The following TXNDC16 variants were observed in gnomAD, a reference collection of about 807,000 sequenced individuals.
TXNDC16 encodes the protein thioredoxin domain-containing protein 16.
Under a neutral mutation model 85.6 loss-of-function variants are expected in TXNDC16, and 74 were observed. That is an observed-to-expected ratio of 0.86 (90% confidence interval 0.72 to 1.05). TXNDC16 has a LOEUF of 1.05. TXNDC16 is among the 50% of genes least tolerant of loss of function. The pLI is 0.00. For missense variants in TXNDC16, 959 were observed against 947.0 expected (o/e 1.01, Z -0.17); for synonymous variants, 335 against 326.5 (o/e 1.03, Z -0.28).
chr14:52,548,337 G>A (rs934771267), intron 1 of TXNDC16, among the ~76,000 whole-genome samples: 5 of 152,160 alleles, frequency 3.3e-5, no homozygotes, highest in African/African-American at 9.7e-5. Context: ...GAGCAGGGAG[G>A]AGCAGGTAAT....
chr14:52,469,033 A>G (rs907364458), intron 16 of TXNDC16, among the ~76,000 whole-genome samples: 6 of 152,182 alleles, frequency 3.9e-5, no homozygotes, highest in Non-Finnish European at 8.8e-5. Context: ...AAAAGGAAAC[A>G]GTACAAATAT....
chr14:52,461,414 T>C (rs2035649629), intron 16 of TXNDC16, among the ~76,000 whole-genome samples: 1 of 151,968 alleles, frequency 6.6e-6, no homozygotes, highest in Non-Finnish European at 1.5e-5. Flanking sequence ...AACATATGTT[T>C]GATAATTAAT....
chr14:52,514,524 A>G (rs1053279476), intron 8 of TXNDC16, among the ~76,000 whole-genome samples: 1 of 152,204 alleles, frequency 6.6e-6, no homozygotes, highest in Non-Finnish European at 1.5e-5. Flanking sequence ...GTAACTTACA[A>G]GAGTCTCACA....
At chr14:52,489,564 C>T (rs2036353675) in intron 11 of TXNDC16, among the ~76,000 whole-genome samples, 1 of 152,142 alleles carries the variant, frequency 6.6e-6, no homozygotes, top group Admixed American at 6.5e-5. Flanking sequence ...GAATCAAAAT[C>T]AAACTTAATT....
intron 14 of TXNDC16, among the ~76,000 whole-genome samples, chr14:52,472,138 C>T (rs1306475484): frequency 6.7e-5 from 10 of 150,138 alleles, no homozygotes; most frequent in Admixed American, 6.6e-4. Context: ...TAACTTATCA[C>T]TTTAGATTTA....
At chr14:52,474,623 G>A (rs2035979749) in intron 14 of TXNDC16, among the ~76,000 whole-genome samples, 1 of 152,004 alleles carries the variant, frequency 6.6e-6, no homozygotes, top group South Asian at 2.1e-4. Context: ...CTAGCTACTC[G>A]GGAGGCTGAG....
At chr14:52,528,861 A>C (rs2037401100) in intron 6 of TXNDC16, among the ~76,000 whole-genome samples, 1 of 145,660 alleles carries the variant, frequency 6.9e-6, no homozygotes, top group African/African-American at 2.5e-5. Flanking sequence ...GTGTGTATAT[A>C]TATAATACCT....
At chr14:52,530,357 AAT>A (rs2037496379) in intron 6 of TXNDC16, among the ~76,000 whole-genome samples, 1 of 46,338 alleles carries the variant, frequency 2.2e-5, no homozygotes, top group Non-Finnish European at 3.4e-5. Context: ...ATTATAATAT[AAT>A]ATATATTATT....
intron 1 of TXNDC16, among the ~76,000 whole-genome samples, chr14:52,549,497 T>C (rs535835015): frequency 1.4e-4 from 22 of 152,314 alleles, no homozygotes; most frequent in African/African-American, 4.6e-4. Context: ...CTAGTCTTCT[T>C]GTAAGGAGAC....
chr14:52,530,807 A>G (rs2037556320), intron 6 of TXNDC16, among the ~76,000 whole-genome samples: 1 of 150,170 alleles, frequency 6.7e-6, no homozygotes, highest in Non-Finnish European at 1.5e-5. Flanking sequence ...CAATAGAAAA[A>G]AAGATATAAA....
At chr14:52,510,458 T>C (rs1432380107) in intron 9 of TXNDC16, among the ~76,000 whole-genome samples, 1 of 152,216 alleles carries the variant, frequency 6.6e-6, no homozygotes, top group Non-Finnish European at 1.5e-5. Flanking sequence ...TACTATAAAG[T>C]AGTACATACA....
chr14:52,508,718 A>G (rs1469779563), intron 9 of TXNDC16, among the ~76,000 whole-genome samples: 1 of 152,244 alleles, frequency 6.6e-6, no homozygotes, highest in Non-Finnish European at 1.5e-5. Flanking sequence ...TATATACACC[A>G]TGGAATACTA....
At chr14:52,540,396 A>G (rs1472370449) in intron 4 of TXNDC16, among the ~76,000 whole-genome samples, 3 of 152,060 alleles carry the variant, frequency 2.0e-5, no homozygotes, top group Admixed American at 2.0e-4. Context: ...AGGCTGAGGC[A>G]GGAGGAACAC....
intron 15 of TXNDC16, 57 bp downstream of exon 15, chr14:52,470,455 T>C (rs1264938607): frequency 5.2e-6 from 8 of 1,534,606 alleles, no homozygotes; most frequent in South Asian, 1.3e-5. Flanking sequence ...AGTCTGAGAA[T>C]TAGAACTTCT....
chr14:52,506,268 CAA>C (rs2036797239), intron 9 of TXNDC16, among the ~76,000 whole-genome samples: 2 of 151,884 alleles, frequency 1.3e-5, no homozygotes, highest in Admixed American at 6.6e-5. Context: ...AGAGACACAA[CAA>C]AAAAAGAGAA....
chr14:52,433,841 G>A (rs192248322), intron 20 of TXNDC16, among the ~76,000 whole-genome samples: 115 of 152,232 alleles, frequency 7.6e-4, no homozygotes, highest in African/African-American at 2.7e-3. Context: ...AAGAATAACT[G>A]TAGTTTGCAA....
At chr14:52,511,173 A>C in intron 9 of TXNDC16, 67 bp downstream of exon 9, 7 of 1,313,488 alleles carry the variant, frequency 5.3e-6, no homozygotes, top group Non-Finnish European at 7.0e-6. Context: ...TGTTAAAATA[A>C]GACACATACC....
rs937781121 is a variant in TXNDC16 at position 52,489,847 on chromosome 14, T to C, written c.984+544A>G. On this transcript the variant is annotated intron_variant, in intron 11 of 20. Coordinates refer to ENST00000281741, the MANE Select transcript of TXNDC16 (RefSeq NM_020784.3). ...TTTGAATTCTGTTTTATCTTGTTTA[T>C]TTTTTTGAGACAGGGTCTGTCTCTG... Among the ~76,000 whole-genome samples, 23 of 152,272 alleles carry C rather than the reference T, an allele frequency of 1.5e-4. No individual in the cohort carries two copies. The East Asian group carries it at 4.2e-3, about 28-fold the overall frequency.
At chr14:52,507,550 A>G (rs11157918) in intron 9 of TXNDC16, among the ~76,000 whole-genome samples, 39,263 of 151,954 alleles carry the variant, frequency 0.26, 5,144 homozygotes, top group East Asian at 0.38. Context: ...TCTTCACAGA[A>G]TTGGAAAAAA....
Sources: gnomAD v4.1 joint callset for allele counts (sites outside exome capture counted in the v4.1 genomes callset) on GRCh38, gnomAD v4.1.1 for gene constraint, MANE v1.5 for transcripts, NCBI Gene and HGNC (gene_info 2026-07-23, HGNC 2026-07-21) for gene names.